JAG1: variants seen among roughly 807,000 people sequenced by gnomAD.
JAG1 encodes the protein jagged canonical Notch ligand 1, also known as protein jagged-1.
A neutral mutation model predicts 148.7 loss-of-function variants in JAG1; 23 were observed. The ratio of observed to expected loss-of-function variants is 0.15; its 90% CI spans 0.11 to 0.22. The LOEUF (loss-of-function observed/expected upper bound fraction) is 0.22, where lower values mean the gene tolerates loss of function less well. Among genes scored for constraint, JAG1 ranks in the 10% least tolerant of loss-of-function variants. The probability of loss-of-function intolerance (pLI) is 1.00; values close to 1 mark genes in which losing one functional copy is unlikely to be tolerated. For missense variants in JAG1, 1,054 were observed against 1,611.2 expected (o/e 0.65, Z 5.92); for synonymous variants, 572 against 598.3 (o/e 0.96, Z 0.64).
At chr20:10,656,043 G>C (rs1163529439) in intron 5 of JAG1, among the ~76,000 whole-genome samples, 6 of 152,174 alleles carry the variant, frequency 3.9e-5, no homozygotes, top group Admixed American at 3.9e-4. Context: ...GGAGAAGAAA[G>C]CCTTGGTGGA....
In JAG1 at chr20:10,673,353, G is replaced by C. The variant is rs1345897186; in HGVS notation, c.81+97C>G. Reference sequence around the variant, plus strand: ...CGCAGGGGCGAGGAGTCGGGCGCTCGAGGGCTGCCGAGCCTGCTCGCGGGG... The same window carrying C: ...CGCAGGGGCGAGGAGTCGGGCGCTCCAGGGCTGCCGAGCCTGCTCGCGGGG... On this transcript the variant is annotated intron_variant, in intron 1 of 25. Coordinates refer to ENST00000254958, the MANE Select transcript of JAG1 (RefSeq NM_000214.3). The surrounding 1 kb of genome is among the most constrained non-coding windows in gnomAD (Gnocchi z 4.7). 11 of 944,522 alleles carry C rather than the reference G, an allele frequency of 1.2e-5. No individual in the cohort carries two copies. The highest frequency in any genetic ancestry group is 1.1e-4 in the South Asian group (6 of 57,120). The allele number at this position is 944,522 out of a possible 1,614,324, so 58.5% of individuals were successfully genotyped here.
At position 10,641,712 on chromosome 20, in the gene JAG1, T is replaced by C; in HGVS notation, c.2683-19A>G. On this transcript the variant is annotated intron_variant, in intron 22 of 25. Coordinates refer to ENST00000254958, the MANE Select transcript of JAG1 (RefSeq NM_000214.3). ...ACCAGACCTGGAGAAAAACAGAAGC[T>C]GGCAGCTTAGCAGGCATGCTCATCC... 6.2e-7 allele frequency: 1 copy of C among 1,613,136 alleles called. No homozygotes were observed. Among genetic ancestry groups the C allele is most frequent in the South Asian group, 1.1e-5 (1 of 91,072 alleles).
Position 10,646,102 on chromosome 20 carries a change from G to T in JAG1, c.1886-18C>A. The T allele has an allele frequency of 6.4e-7, 1 of 1,571,440 alleles. No homozygotes were observed. Among genetic ancestry groups the T allele is most frequent in the Non-Finnish European group, 8.8e-7 (1 of 1,141,290 alleles). The stretch of plus-strand genomic sequence containing the variant: ...ATTAATATCTATGAAACAAAGTAAA[G>T]CAAAAAAAGAACTGAAGGACTTGTG... On this transcript the variant is annotated intron_variant, in intron 14 of 25. Coordinates refer to ENST00000254958, the MANE Select transcript of JAG1 (RefSeq NM_000214.3).
At chr20:10,672,378 G>A (rs944202560) in intron 2 of JAG1, among the ~76,000 whole-genome samples, 1 of 152,208 alleles carries the variant, frequency 6.6e-6, no homozygotes, top group Non-Finnish European at 1.5e-5. Flanking sequence ...CGATCTCTTG[G>A]CTTGGGGCCG....
intron 2 of JAG1, among the ~76,000 whole-genome samples, chr20:10,667,779 C>G (rs1168785553): frequency 1.3e-5 from 2 of 152,148 alleles, no homozygotes; most frequent in Admixed American, 6.5e-5. Context: ...ATCCCCACCC[C>G]CTTTCCCATC....
At position 10,645,041 on chromosome 20, in the gene JAG1, A is replaced by G; in HGVS notation, c.2228-62T>C. 6.6e-7 allele frequency: 1 copy of G among 1,525,420 alleles called. No homozygotes were observed. The highest frequency in any genetic ancestry group is 9.1e-7 in the Non-Finnish European group (1 of 1,099,194). 94.5% of individuals were successfully genotyped at this position (1,525,420 alleles called of 1,614,324 possible). A position where few individuals can be genotyped will look rare whatever the true frequency, so the allele number is the denominator to read the frequency against. On this transcript the variant is annotated intron_variant, in intron 17 of 25. Transcript: ENST00000254958. This position sits in a 1 kb window ranked among gnomAD's most constrained non-coding sequence, Gnocchi z 6.1. ...GTATCCAGAAACAGTCTGGAGGGGC[A>G]AGAACCAGGCCCAGAGAAATATCAT...
chr20:10,643,826 A>G lies in JAG1; in HGVS notation c.2410T>C (p.Tyr804His). 1.9e-6 allele frequency: 3 copies of G among 1,614,168 alleles called. No homozygotes were observed. Among genetic ancestry groups the G allele is most frequent in the Non-Finnish European group, 2.5e-6 (3 of 1,180,026 alleles). ...SGTCVDGDNW[Y>H]RCECAPGFAG... is the part of the protein sequence containing the mutation. ...AAACCCGGGGCACATTCGCACCGGT[A>G]CCAGTTGTCTCCATCCACACAGGTG... is the stretch of plus-strand genomic sequence containing the variant. The change falls in exon 20 of 26, where the codon TAC (tyrosine) becomes CAC (histidine). Residue 804 changes from tyrosine (Y) to histidine (H), a missense_variant. This residue lies in a region of JAG1 where 342 missense variants were observed against 514.6 expected (regional missense o/e 0.66). Transcript: ENST00000254958.
At chr20:10,655,259 C>T (rs1205016978) in intron 5 of JAG1, among the ~76,000 whole-genome samples, 1 of 152,340 alleles carries the variant, frequency 6.6e-6, no homozygotes, top group East Asian at 1.9e-4. Flanking sequence ...TCAAAATTTA[C>T]TAAGCAGCAA....
At chr20:10,651,476 C>T (rs1209716580) in intron 8 of JAG1, 105 bp downstream of exon 8, 5 of 739,466 alleles carry the variant, frequency 6.8e-6, no homozygotes, top group Non-Finnish European at 9.4e-6. Flanking sequence ...ACCCGCCCCT[C>T]TCTCACCGAG....
In JAG1 at chr20:10,649,674, A is replaced by T. The variant is rs2067333017; in HGVS notation, c.1235-39T>A. On this transcript the variant is annotated intron_variant, in intron 9 of 25. Coordinates refer to ENST00000254958, the MANE Select transcript of JAG1 (RefSeq NM_000214.3). ...GGGATGAGCATGAGAAATGAAGTTCAACCCCCATCTCCCCCACCTTGGAAA... is the reference window on the plus strand; with the variant it reads ...GGGATGAGCATGAGAAATGAAGTTCTACCCCCATCTCCCCCACCTTGGAAA... 4 of 1,180,436 alleles carry T rather than the reference A, an allele frequency of 3.4e-6. No homozygotes were observed. In the East Asian group the frequency reaches 9.4e-5, roughly 28 times the overall value. 73.1% of individuals were successfully genotyped at this position (1,180,436 alleles called of 1,614,324 possible).
chr20:10,652,541 G>A lies in JAG1; in HGVS notation c.813C>T (p.Cys271=), dbSNP rs766245856. ...YCDKCIPHPG[C]VHGICNEPWQ... The stretch of plus-strand genomic sequence containing the variant: ...AGGGCTCATTACAGATGCCGTGGAC[G>A]CATCCCGGGTGTGGGATGCACTTAT... The change falls in exon 6 of 26, where the codon TGC becomes TGT. Residue 271 remains cysteine (C), a synonymous_variant. Coordinates refer to ENST00000254958, the MANE Select transcript of JAG1 (RefSeq NM_000214.3). 8 of 1,613,910 alleles carry A rather than the reference G, an allele frequency of 5.0e-6. No individual in the cohort carries two copies. Among genetic ancestry groups the A allele is most frequent in the South Asian group, 1.1e-5 (1 of 91,076 alleles).
intron 2 of JAG1, among the ~76,000 whole-genome samples, chr20:10,665,756 T>A (rs913072040): frequency 1.3e-5 from 2 of 152,160 alleles, no homozygotes; most frequent in African/African-American, 4.8e-5. Context: ...TTTGACAGAC[T>A]TGCACAAGCG....
intron 5 of JAG1, among the ~76,000 whole-genome samples, chr20:10,653,368 G>T (rs1034624870): frequency 1.3e-5 from 2 of 148,648 alleles, no homozygotes; most frequent in Non-Finnish European, 3.0e-5. Flanking sequence ...ATACTCTTTT[G>T]GGGCCAAATA....
rs1269723244 is a variant in JAG1 at position 10,646,377 on chromosome 20, G to A, written c.1886-293C>T. 3 of 439,348 alleles carry A rather than the reference G, an allele frequency of 6.8e-6. No homozygotes were observed. The Admixed American group carries it at 1.0e-4, about 15-fold the overall frequency. 27.2% of individuals were successfully genotyped at this position (439,348 alleles called of 1,614,324 possible). A position where few individuals can be genotyped will look rare whatever the true frequency, so the allele number is the denominator to read the frequency against. On this transcript the variant is annotated intron_variant, in intron 14 of 25. Transcript: ENST00000254958. Reference sequence around the variant, plus strand: ...AATCACCCAACCTAGCAACATTCCAGAATGTTCCAACATAGATATGGAGGC... The same window carrying A: ...AATCACCCAACCTAGCAACATTCCAAAATGTTCCAACATAGATATGGAGGC...
chr20:10,653,277 A>G (rs1380455020), intron 5 of JAG1, among the ~76,000 whole-genome samples: 1 of 144,866 alleles, frequency 6.9e-6, no homozygotes, highest in East Asian at 2.0e-4. Flanking sequence ...CCAAGAAAAG[A>G]AAAAAAAAAG....
At chr20:10,646,436 A>AC (rs1160306683) in intron 14 of JAG1, 2 of 372,036 alleles carry the variant, frequency 5.4e-6, no homozygotes, top group African/African-American at 4.2e-5. Context: ...ATTGAACACG[A>AC]CCTCAGTCTT....
In JAG1 at chr20:10,642,294, G is replaced by C. The variant is rs113708660; in HGVS notation, c.2572+194C>G. Reference sequence around the variant, plus strand: ...GCAGTTTGGGATGGTTTGGTACACAGTTTTGTGGCAACAGCTGACCAAAAA... The same window carrying C: ...GCAGTTTGGGATGGTTTGGTACACACTTTTGTGGCAACAGCTGACCAAAAA... On this transcript the variant is annotated intron_variant, in intron 21 of 25. Transcript: ENST00000254958. Among the ~76,000 whole-genome samples, 893 of 152,310 alleles carry C rather than the reference G, an allele frequency of 5.9e-3. 11 individuals carry two copies. The highest frequency in any genetic ancestry group is 0.021 in the African/African-American group (861 of 41,556).
chr20:10,642,323 C>T (rs1293711296), intron 21 of JAG1, among the ~76,000 whole-genome samples, 165 bp downstream of exon 21: 4 of 152,222 alleles, frequency 2.6e-5, no homozygotes, highest in Non-Finnish European at 4.4e-5. Context: ...CCAAAAACAA[C>T]AGCTACCTGT....
At position 10,673,249 on chromosome 20, in the gene JAG1, G is replaced by C. The variant is rs1417021330; in HGVS notation, c.81+201C>G. ...CAGCGGAGCGAACGCGCCCCTGTCC[G>C]GCCTGGAGGGGTCACCCTCAGGAGG... On this transcript the variant is annotated intron_variant, in intron 1 of 25. Coordinates refer to ENST00000254958, the MANE Select transcript of JAG1 (RefSeq NM_000214.3). This position sits in a 1 kb window ranked among gnomAD's most constrained non-coding sequence, Gnocchi z 4.7. 6.6e-6 allele frequency among the ~76,000 whole-genome samples: 1 copy of C among 152,068 alleles called. No homozygotes were observed. The highest frequency in any genetic ancestry group is 2.4e-5 in the African/African-American group (1 of 41,422).
Sources: allele counts gnomAD v4.1 joint callset (sites outside exome capture counted in the v4.1 genomes callset), GRCh38; gene constraint gnomAD v4.1.1; regional missense constraint gnomAD v4.1.1; non-coding constraint Gnocchi (gnomAD v3.1); transcripts MANE v1.5; gene names NCBI Gene and HGNC (gene_info 2026-07-23, HGNC 2026-07-21).